Variants in ZFHX3 observed in about 807,000 individuals in gnomAD.
ZFHX3 encodes the protein zinc finger homeobox protein 3.
In ZFHX3, 42 loss-of-function variants were observed where a neutral mutation model predicts 279.1. The observed-to-expected ratio is 0.15, with a 90% CI of 0.12 to 0.19. The LOEUF is 0.19. Ranked by LOEUF, ZFHX3 falls within the 10% of genes least tolerant of loss-of-function variation. The pLI is 1.00. For synonymous variants in ZFHX3, 2,293 were observed against 1,957.8 expected, an observed-to-expected ratio of 1.17 and a Z score of -4.52; for missense variants, 4,981 against 4,754.0, an observed-to-expected ratio of 1.05 and a Z score of -1.40.
chr16:73,445,091 C>T (rs955336522), intron 3 of ZFHX3, among the ~76,000 whole-genome samples: 8 of 151,272 alleles, frequency 5.3e-5, no homozygotes, highest in South Asian at 2.1e-4. Flanking sequence ...GCGGAGATTG[C>T]GCCATTGCAC....
chr16:73,536,398 T>C (rs1402821720), intron 2 of ZFHX3, among the ~76,000 whole-genome samples: 2 of 152,192 alleles, frequency 1.3e-5, no homozygotes, highest in African/African-American at 4.8e-5. Context: ...CATTGGCCAG[T>C]GTTACCCAAA....
At chr16:73,346,671 C>T (rs1293463826) in intron 3 of ZFHX3, among the ~76,000 whole-genome samples, 3 of 152,120 alleles carry the variant, frequency 2.0e-5, no homozygotes, top group African/African-American at 7.2e-5. Context: ...GGGGTTTCAT[C>T]ATGTTGGCCA....
At chr16:73,133,034 T>C (rs1383047532) in intron 6 of ZFHX3, among the ~76,000 whole-genome samples, 1 of 152,174 alleles carries the variant, frequency 6.6e-6, no homozygotes, top group Non-Finnish European at 1.5e-5. Context: ...TGGCAACACA[T>C]GGGAGGCCCC....
intron 3 of ZFHX3, among the ~76,000 whole-genome samples, chr16:73,404,137 C>A (rs984184438): frequency 6.6e-6 from 1 of 152,148 alleles, no homozygotes; most frequent in Non-Finnish European, 1.5e-5. Context: ...AGCCAAGGAT[C>A]CAGTTTCAGG....
intron 1 of ZFHX3, among the ~76,000 whole-genome samples, chr16:73,747,560 G>T (rs757676954): frequency 1.7e-4 from 26 of 152,218 alleles, no homozygotes; most frequent in Non-Finnish European, 2.6e-4. Context: ...TATACTAGGT[G>T]ATCTAACCAG....
At chr16:73,273,748 ATAATGCCT>A (rs1473516271) in intron 4 of ZFHX3, among the ~76,000 whole-genome samples, 6 of 152,190 alleles carry the variant, frequency 3.9e-5, no homozygotes, top group Non-Finnish European at 7.4e-5. Context: ...TTTGTTACAA[ATAATGCCT>A]TAAGGAGTGT....
At chr16:73,784,881 G>C (rs907102155) in intron 1 of ZFHX3, among the ~76,000 whole-genome samples, 16 of 150,156 alleles carry the variant, frequency 1.1e-4, no homozygotes, top group African/African-American at 3.9e-4. Flanking sequence ...CCTCTAATGA[G>C]GAATAGTGGT....
chr16:72,963,504 T>A (rs1004894554), intron 1 of ZFHX3, among the ~76,000 whole-genome samples: 1 of 152,194 alleles, frequency 6.6e-6, no homozygotes, highest in Non-Finnish European at 1.5e-5. Flanking sequence ...AAGGTAATCT[T>A]GTACAGAAGA....
chr16:73,140,711 A>G (rs928467851), intron 6 of ZFHX3, among the ~76,000 whole-genome samples: 1 of 152,084 alleles, frequency 6.6e-6, no homozygotes, highest in Admixed American at 6.5e-5. Flanking sequence ...AAAATTATCC[A>G]GACGTGGTGG....
chr16:73,881,883 G>T (rs1044858477), intron 1 of ZFHX3, among the ~76,000 whole-genome samples: 8 of 152,032 alleles, frequency 5.3e-5, no homozygotes, highest in African/African-American at 1.9e-4. Flanking sequence ...AGCACCTGGT[G>T]ACCTGCCCCG....
intron 5 of ZFHX3, among the ~76,000 whole-genome samples, chr16:72,821,504 G>A (rs371953908): frequency 2.0e-5 from 3 of 152,202 alleles, no homozygotes; most frequent in East Asian, 1.9e-4. Context: ...GTGAAGACAT[G>A]GGGAGGCGGT....
intron 7 of ZFHX3, among the ~76,000 whole-genome samples, chr16:73,106,088 G>A (rs1441850863): frequency 1.3e-5 from 2 of 152,000 alleles, no homozygotes; most frequent in African/African-American, 2.4e-5. Flanking sequence ...CCTATGACCT[G>A]TTAGGGGCTT....
intron 1 of ZFHX3, among the ~76,000 whole-genome samples, chr16:73,745,079 G>C (rs973855321): frequency 2.6e-5 from 4 of 152,242 alleles, no homozygotes; most frequent in Middle Eastern, 3.4e-3. Flanking sequence ...AGTTGCTGCA[G>C]TGTCCAAAAA....
At chr16:73,476,316 T>C (rs974096868) in intron 2 of ZFHX3, among the ~76,000 whole-genome samples, 3 of 152,164 alleles carry the variant, frequency 2.0e-5, no homozygotes, top group Non-Finnish European at 4.4e-5. Context: ...TGGTGTTGAA[T>C]AAAATATAAC....
chr16:73,166,057 C>G (rs1967356433), intron 5 of ZFHX3, among the ~76,000 whole-genome samples: 2 of 152,068 alleles, frequency 1.3e-5, no homozygotes, highest in Admixed American at 6.5e-5. Context: ...TTGGGATGGG[C>G]TTTTAAAAGA....
At chr16:72,862,848 T>C (rs1020451049) in intron 4 of ZFHX3, among the ~76,000 whole-genome samples, 12 of 144,696 alleles carry the variant, frequency 8.3e-5, no homozygotes, top group Non-Finnish European at 4.4e-5. Context: ...AAAAAAAAAG[T>C]TAGAAGAGGA....
chr16:73,045,527 C>T (rs906782698), intron 1 of ZFHX3, among the ~76,000 whole-genome samples: 2 of 151,994 alleles, frequency 1.3e-5, no homozygotes, highest in South Asian at 2.1e-4. Context: ...TGGAGGGCAC[C>T]GTTTTAGATG....
Position 72,959,408 on chromosome 16 carries a change from G to A in ZFHX3, c.738C>T (p.Asn246=), listed in dbSNP as rs925180057. ...VRHKSNKDYL[N]SDGSAKSSCV... ...AGGAGCTTTTGGCAGAACCGTCGCT[G>A]TTCAGGTAATCCTTGTTGCTTTTGT... Residue 246 remains asparagine, a synonymous_variant, in exon 2 of 10, where the codon AAC becomes AAT. Coordinates refer to ENST00000268489, the MANE Select transcript of ZFHX3 (RefSeq NM_006885.4). 1 of 1,614,214 alleles carries A rather than the reference G, an allele frequency of 6.2e-7. No homozygotes were observed. Among genetic ancestry groups the A allele is most frequent in the Non-Finnish European group, 8.5e-7 (1 of 1,180,022 alleles).
chr16:73,836,405 CAT>C (rs1244918261), intron 1 of ZFHX3, among the ~76,000 whole-genome samples: 1 of 152,160 alleles, frequency 6.6e-6, no homozygotes, highest in African/African-American at 2.4e-5. Context: ...GGTTATTTAA[CAT>C]GTTCATTTTT....
Sources: allele counts gnomAD v4.1 joint callset (sites outside exome capture counted in the v4.1 genomes callset), GRCh38; gene constraint gnomAD v4.1.1; transcripts MANE v1.5; gene names NCBI Gene and HGNC (gene_info 2026-07-23, HGNC 2026-07-21).